CFAP97D2: variants seen among roughly 807,000 people sequenced by gnomAD.
The protein encoded by CFAP97D2 is uncharacterized protein CFAP97D2.
intron 4 of CFAP97D2, among the ~76,000 whole-genome samples, chr13:114,215,114 C>G (rs1187665811): frequency 6.6e-6 from 1 of 152,080 alleles, no homozygotes; most frequent in Non-Finnish European, 1.5e-5. Context: ...CTAATTGCCC[C>G]CCACAAACAG....
In CFAP97D2 at chr13:114,207,274, A is replaced by T. The variant is rs1477907775; in HGVS notation, c.291-4638A>T. On this transcript the variant is annotated intron_variant, in intron 3 of 4. Transcript: ENST00000646158. The surrounding 1 kb of genome is among the most constrained non-coding windows in gnomAD (Gnocchi z 4.9). ...TCTAGGGGTTTATTTGCCACCATTG[A>T]GGACGCTACTGGGATACGGCATGGA... 6.6e-6 allele frequency among the ~76,000 whole-genome samples: 1 copy of T among 152,206 alleles called. No homozygotes were observed. Among genetic ancestry groups the T allele is most frequent in the Non-Finnish European group, 1.5e-5 (1 of 68,024 alleles).
intron 1 of CFAP97D2, among the ~76,000 whole-genome samples, chr13:114,193,992 C>A (rs2080877642): frequency 6.6e-6 from 1 of 152,148 alleles, no homozygotes; most frequent in African/African-American, 2.4e-5. Context: ...TTCCTAATGT[C>A]TTTTAAAAAA....
At chr13:114,198,912 C>T (rs2080902166) in intron 2 of CFAP97D2, among the ~76,000 whole-genome samples, 1 of 54,074 alleles carries the variant, frequency 1.8e-5, no homozygotes, top group Admixed American at 1.6e-4. Context: ...CGAGGGGTGA[C>T]GGCGCGTCCC....
At chr13:114,217,027 T>G (rs978098873) in intron 4 of CFAP97D2, among the ~76,000 whole-genome samples, 185 of 152,340 alleles carry the variant, frequency 1.2e-3, no homozygotes, top group African/African-American at 3.9e-3. Flanking sequence ...TGATTTGCAT[T>G]TCTCTGATGG....
At position 114,179,943 on chromosome 13, in the gene CFAP97D2, G is replaced by A. The variant is rs1219182875; in HGVS notation, c.90+523G>A. Reference sequence around the variant, plus strand: ...TGGGATTACAGGCATGAGCCACCGTGCCCGGCCCGGCATCCTTTTCTCTAT... The same window carrying A: ...TGGGATTACAGGCATGAGCCACCGTACCCGGCCCGGCATCCTTTTCTCTAT... On this transcript the variant is annotated intron_variant, in intron 1 of 4. Coordinates refer to ENST00000646158, the Ensembl canonical transcript of CFAP97D2. The surrounding 1 kb of genome is among the most constrained non-coding windows in gnomAD (Gnocchi z 4.8). Among the ~76,000 whole-genome samples, 1 of 152,196 alleles carries A rather than the reference G, an allele frequency of 6.6e-6. No homozygotes were observed. The highest frequency in any genetic ancestry group is 1.5e-5 in the Non-Finnish European group (1 of 68,036).
At chr13:114,217,796 A>G (rs1171220416) in intron 4 of CFAP97D2, among the ~76,000 whole-genome samples, 3 of 152,208 alleles carry the variant, frequency 2.0e-5, no homozygotes, top group Admixed American at 1.3e-4. Flanking sequence ...CTCAATAGAT[A>G]CAGAAAAGGC....
intron 1 of CFAP97D2, among the ~76,000 whole-genome samples, chr13:114,188,769 T>A: frequency 8.0e-6 from 1 of 125,622 alleles, no homozygotes; most frequent in South Asian, 2.4e-4. Flanking sequence ...AGAGCGAGAC[T>A]CAATCTCAAA....
At chr13:114,198,659 G>A (rs553720132) in intron 2 of CFAP97D2, among the ~76,000 whole-genome samples, 2 of 136,616 alleles carry the variant, frequency 1.5e-5, no homozygotes, top group Non-Finnish European at 3.2e-5. Context: ...CCGTGTTTAC[G>A]GTCCCCGCTG....
Position 114,189,207 on chromosome 13 carries a change from C to G in CFAP97D2, c.91-7189C>G, listed in dbSNP as rs980269248. On this transcript the variant is annotated intron_variant, in intron 1 of 4. Transcript: ENST00000646158. The surrounding 1 kb of genome is among the most constrained non-coding windows in gnomAD (Gnocchi z 4.5). ...AAGGATAATAAAGGGATACTATGAA[C>G]AAATTTATGCCCACAAATTTGATAA... is the stretch of plus-strand genomic sequence containing the variant. Among the ~76,000 whole-genome samples the G allele has an allele frequency of 6.6e-6, 1 of 151,916 alleles. No homozygotes were observed. Among genetic ancestry groups the G allele is most frequent in the Non-Finnish European group, 1.5e-5 (1 of 67,972 alleles).
intron 1 of CFAP97D2, among the ~76,000 whole-genome samples, chr13:114,182,741 T>G (rs909470892): frequency 1.2e-4 from 18 of 152,236 alleles, no homozygotes; most frequent in Admixed American, 7.9e-4. Context: ...AACCTTGATT[T>G]CATACAACAC....
At position 114,222,429 on chromosome 13, in the gene CFAP97D2, CAAGT is replaced by C. The variant is rs2081025727; in HGVS notation, c.481-64_481-61del. Reference sequence around the variant, plus strand: ...CAATGAGTTGAAATATTCCATTTCCCAAGTAAGTTGATAGTTTCTTGTTCTTGCC... The same window carrying C: ...CAATGAGTTGAAATATTCCATTTCCCAAGTTGATAGTTTCTTGTTCTTGCC... On this transcript the variant is annotated intron_variant, in intron 4 of 4. Coordinates refer to ENST00000646158, the Ensembl canonical transcript of CFAP97D2. The surrounding 1 kb of genome is among the most constrained non-coding windows in gnomAD (Gnocchi z 4.4). 2.5e-6 allele frequency: 1 copy of C among 398,212 alleles called. No homozygotes were observed. The highest frequency in any genetic ancestry group is 4.4e-6 in the Non-Finnish European group (1 of 226,016). 24.7% of individuals were successfully genotyped at this position (398,212 alleles called of 1,614,324 possible). A position where few individuals can be genotyped will look rare whatever the true frequency, so the allele number is the denominator to read the frequency against.
In CFAP97D2 at chr13:114,207,782, T is replaced by C. The variant is rs1333399915; in HGVS notation, c.291-4130T>C. ...CATTGTTCTTTGCTTGTAAATGTTC[T>C]CATGTAGCCAACTAGACTTTGTCAC... On this transcript the variant is annotated intron_variant, in intron 3 of 4. Transcript: ENST00000646158. This position sits in a 1 kb window ranked among gnomAD's most constrained non-coding sequence, Gnocchi z 4.9. Among the ~76,000 whole-genome samples the C allele has an allele frequency of 1.3e-5, 2 of 152,216 alleles. No homozygotes were observed. The highest frequency in any genetic ancestry group is 2.9e-5 in the Non-Finnish European group (2 of 68,042).
intron 3 of CFAP97D2, among the ~76,000 whole-genome samples, chr13:114,202,014 G>A (rs1343611322): frequency 6.6e-6 from 1 of 152,236 alleles, no homozygotes; most frequent in African/African-American, 2.4e-5. Context: ...GTTTCCCTGA[G>A]CCTTTCGGTC....
At chr13:114,208,625 G>C (rs181382317) in intron 3 of CFAP97D2, among the ~76,000 whole-genome samples, 4 of 152,180 alleles carry the variant, frequency 2.6e-5, no homozygotes, top group Non-Finnish European at 5.9e-5. Flanking sequence ...ATAGGTTACC[G>C]TGTTTGTTGC....
chr13:114,217,809 T>C (rs1283058508), intron 4 of CFAP97D2, among the ~76,000 whole-genome samples: 1 of 152,170 alleles, frequency 6.6e-6, no homozygotes, highest in East Asian at 1.9e-4. Flanking sequence ...GAAAAGGCCT[T>C]TGACAAAATT....
intron 2 of CFAP97D2, among the ~76,000 whole-genome samples, chr13:114,197,932 G>A (rs779471934): frequency 1.3e-5 from 2 of 151,716 alleles, no homozygotes; most frequent in African/African-American, 2.4e-5. Flanking sequence ...TGATCTGCCC[G>A]CCTCGGCCTC....
chr13:114,191,485 GA>G (rs2080869336), intron 1 of CFAP97D2, among the ~76,000 whole-genome samples: 1 of 152,140 alleles, frequency 6.6e-6, no homozygotes. Context: ...CCTCACCAAA[GA>G]AAATATATAG....
Position 114,182,139 on chromosome 13 carries a change from C to T in CFAP97D2, c.90+2719C>T, listed in dbSNP as rs180838117. ...AGCAAAAAGGAAAGTAGTAGGAGAG[C>T]AGGGTGATAATAAGGAGAAGGTCAG... On this transcript the variant is annotated intron_variant, in intron 1 of 4. Coordinates refer to ENST00000646158, the Ensembl canonical transcript of CFAP97D2. Among the ~76,000 whole-genome samples the T allele has an allele frequency of 7.5e-5, 11 of 146,276 alleles. 1 individual carries two copies. Among genetic ancestry groups the T allele is most frequent in the Non-Finnish European group, 1.2e-4 (8 of 66,390 alleles).
intron 3 of CFAP97D2, among the ~76,000 whole-genome samples, chr13:114,205,534 A>T (rs911345959): frequency 9.9e-5 from 15 of 152,090 alleles, no homozygotes; most frequent in Admixed American, 4.6e-4. Flanking sequence ...CCCAATTTGG[A>T]TGTCTTTTAT....
Sources: allele counts gnomAD v4.1 joint callset (sites outside exome capture counted in the v4.1 genomes callset), GRCh38; gene constraint gnomAD v4.1.1; non-coding constraint Gnocchi (gnomAD v3.1); transcripts MANE v1.5; gene names NCBI Gene and HGNC (gene_info 2026-07-23, HGNC 2026-07-21).